BMPR1B: variants seen among roughly 807,000 people sequenced by gnomAD.
The protein encoded by BMPR1B is bone morphogenetic protein receptor type-1B.
BMPR1B carries 12 observed loss-of-function variants against 59.1 expected under a neutral mutation model. The ratio of observed to expected loss-of-function variants is 0.20; its 90% CI spans 0.13 to 0.33. The LOEUF (loss-of-function observed/expected upper bound fraction) is 0.33, where lower values mean the gene tolerates loss of function less well. Ranked by LOEUF, BMPR1B falls within the 10% of genes least tolerant of loss-of-function variation. The probability of loss-of-function intolerance (pLI) is 1.00; values close to 1 mark genes in which losing one functional copy is unlikely to be tolerated. For missense variants in BMPR1B, 550 were observed against 610.9 expected (o/e 0.90, Z 1.05); for synonymous variants, 237 against 207.3 (o/e 1.14, Z -1.23).
chr4:94,758,637 C>T (rs1578610152), intron 1 of BMPR1B, among the ~76,000 whole-genome samples: 1 of 152,248 alleles, frequency 6.6e-6, no homozygotes, highest in East Asian at 1.9e-4. Flanking sequence ...GGGCTGGTCC[C>T]GGCGCCTTGG....
At chr4:95,071,606 C>T (rs890879894) in intron 3 of BMPR1B, among the ~76,000 whole-genome samples, 3 of 142,232 alleles carry the variant, frequency 2.1e-5, no homozygotes, top group African/African-American at 8.1e-5. Flanking sequence ...ATCAGTAAAG[C>T]ATAGATTATG....
rs141183739 is a variant in BMPR1B at position 95,037,016 on chromosome 4, A to G, written c.-18+40882A>G. ...GCTACTCCCACCACCAACAGTTAGCATGAATGACCTGAGGTTTTTTCTTGT... is the reference window on the plus strand; with the variant it reads ...GCTACTCCCACCACCAACAGTTAGCGTGAATGACCTGAGGTTTTTTCTTGT... On this transcript the variant is annotated intron_variant, in intron 3 of 12. Coordinates refer to ENST00000515059, the MANE Select transcript of BMPR1B (RefSeq NM_001203.3). Among the ~76,000 whole-genome samples, 623 of 152,280 alleles carry G rather than the reference A, an allele frequency of 4.1e-3. 5 individuals carry two copies. The highest frequency in any genetic ancestry group is 0.014 in the African/African-American group (601 of 41,548).
intron 3 of BMPR1B, chr4:95,103,547 TA>T (rs1158874234): frequency 1.1e-6 from 1 of 933,022 alleles, no homozygotes; most frequent in Non-Finnish European, 1.3e-6. Context: ...CTCTTCTGTG[TA>T]ACATAAACAT....
At chr4:95,086,097 T>C (rs1331988094) in intron 3 of BMPR1B, among the ~76,000 whole-genome samples, 1 of 152,156 alleles carries the variant, frequency 6.6e-6, no homozygotes, top group Non-Finnish European at 1.5e-5. Context: ...TAAACTGATA[T>C]GATTATTCTG....
At chr4:94,950,790 T>C (rs1252480347) in intron 2 of BMPR1B, among the ~76,000 whole-genome samples, 2 of 152,194 alleles carry the variant, frequency 1.3e-5, no homozygotes, top group African/African-American at 4.8e-5. Flanking sequence ...TTTGGTTCCA[T>C]ATGAAATTTA....
At chr4:94,915,511 A>G (rs3775013) in intron 2 of BMPR1B, among the ~76,000 whole-genome samples, 2,801 of 152,346 alleles carry the variant, frequency 0.018, 54 homozygotes, top group East Asian at 0.092. Context: ...TATTTTAAAC[A>G]TAGTTTGAAC....
At chr4:95,055,680 CATT>C (rs1726869418) in intron 3 of BMPR1B, among the ~76,000 whole-genome samples, 1 of 152,128 alleles carries the variant, frequency 6.6e-6, no homozygotes, top group East Asian at 1.9e-4. Flanking sequence ...AAGTTCTGCT[CATT>C]AGATTGGATA....
intron 3 of BMPR1B, among the ~76,000 whole-genome samples, chr4:95,081,764 T>C (rs1442402916): frequency 1.3e-5 from 2 of 152,272 alleles, no homozygotes; most frequent in Middle Eastern, 3.4e-3. Flanking sequence ...GAAAAGGCTA[T>C]TAAAATAGCC....
chr4:94,792,103 T>C (rs1236115799), intron 1 of BMPR1B, among the ~76,000 whole-genome samples: 1 of 152,210 alleles, frequency 6.6e-6, no homozygotes, highest in Non-Finnish European at 1.5e-5. Flanking sequence ...GAGAAATTTT[T>C]CAGATAACTA....
chr4:94,874,820 C>T lies in BMPR1B; in HGVS notation c.-182-1011C>T, dbSNP rs187011153. 9.7e-3 allele frequency among the ~76,000 whole-genome samples: 1,467 copies of T among 152,016 alleles called. 47 individuals are homozygous for T. The highest frequency in any genetic ancestry group is 0.058 in the Admixed American group (889 of 15,258). ...CAGCCTGACCAATATGGTGAAACGC[C>T]GTCTCTACTAAAAATACAAAAAATT... On this transcript the variant is annotated intron_variant, in intron 1 of 12. Coordinates refer to ENST00000515059, the MANE Select transcript of BMPR1B (RefSeq NM_001203.3).
intron 2 of BMPR1B, among the ~76,000 whole-genome samples, chr4:94,977,125 G>A (rs994778995): frequency 1.3e-5 from 2 of 152,170 alleles, no homozygotes; most frequent in African/African-American, 4.8e-5. Context: ...CAAAAGCCAT[G>A]CCCTTACATT....
At chr4:94,998,840 C>T (rs888101874) in intron 3 of BMPR1B, among the ~76,000 whole-genome samples, 3 of 152,052 alleles carry the variant, frequency 2.0e-5, no homozygotes, top group African/African-American at 7.2e-5. Flanking sequence ...AATCTTCTGC[C>T]GTTCCTTTTG....
intron 1 of BMPR1B, among the ~76,000 whole-genome samples, chr4:94,779,807 G>T (rs1464051587): frequency 6.6e-6 from 1 of 152,008 alleles, no homozygotes; most frequent in Non-Finnish European, 1.5e-5. Flanking sequence ...ACTCCTGCCT[G>T]GGTGACAGAG....
At chr4:95,049,769 C>G (rs1560617249) in intron 3 of BMPR1B, among the ~76,000 whole-genome samples, 1 of 151,718 alleles carries the variant, frequency 6.6e-6, no homozygotes, top group Non-Finnish European at 1.5e-5. Context: ...CATGTTTATT[C>G]TGTTGGGGCC....
chr4:95,017,783 A>G (rs549375822), intron 3 of BMPR1B, among the ~76,000 whole-genome samples: 2 of 152,172 alleles, frequency 1.3e-5, no homozygotes, highest in African/African-American at 2.4e-5. Flanking sequence ...GCCTTGGTAT[A>G]TATCTTTTTC....
chr4:95,022,205 C>T (rs1025915895), intron 3 of BMPR1B, among the ~76,000 whole-genome samples: 1 of 152,124 alleles, frequency 6.6e-6, no homozygotes, highest in African/African-American at 2.4e-5. Context: ...TCTTTTTACA[C>T]CACCATATGG....
intron 1 of BMPR1B, among the ~76,000 whole-genome samples, chr4:94,843,270 A>T (rs1426234629): frequency 6.6e-6 from 1 of 152,180 alleles, no homozygotes; most frequent in Non-Finnish European, 1.5e-5. Flanking sequence ...TGCCAGGTAA[A>T]TTTGTGGAAG....
chr4:94,836,543 G>A (rs1328048440), intron 1 of BMPR1B, among the ~76,000 whole-genome samples: 1 of 146,612 alleles, frequency 6.8e-6, no homozygotes, highest in African/African-American at 2.5e-5. Context: ...TTTTTTGGCT[G>A]CATAAATGTC....
chr4:95,061,219 C>G (rs1727367332), intron 3 of BMPR1B, among the ~76,000 whole-genome samples: 1 of 147,186 alleles, frequency 6.8e-6, no homozygotes, highest in African/African-American at 2.5e-5. Context: ...ACCACACACC[C>G]CTCCATTGAA....
Sources: gnomAD v4.1 joint callset for allele counts (sites outside exome capture counted in the v4.1 genomes callset) on GRCh38, gnomAD v4.1.1 for gene constraint, MANE v1.5 for transcripts, NCBI Gene and HGNC (gene_info 2026-07-23, HGNC 2026-07-21) for gene names.